Variants in PPL observed in about 807,000 individuals in gnomAD.
The protein encoded by PPL is periplakin.
A neutral mutation model predicts 194.4 loss-of-function variants in PPL; 198 were observed. That is an observed-to-expected ratio of 1.02 (90% confidence interval 0.91 to 1.15). The LOEUF (loss-of-function observed/expected upper bound fraction) is 1.15, where lower values mean the gene tolerates loss of function less well. Among genes scored for constraint, PPL ranks in the 50% most tolerant of loss-of-function variants. The pLI is 0.00. For missense variants in PPL, 2,885 were observed against 2,294.8 expected, an observed-to-expected ratio of 1.26 and a Z score of -5.25; for synonymous variants, 1,220 against 972.4, an observed-to-expected ratio of 1.25 and a Z score of -4.74.
chr16:4,901,217 A>G lies in PPL; in HGVS notation c.439-128T>C. The G allele has an allele frequency of 7.7e-6, 8 of 1,037,550 alleles. No homozygotes were observed. The South Asian group carries it at 8.2e-5, about 11-fold the overall frequency. The allele number at this position is 1,037,550 out of a possible 1,614,324, so 64.3% of individuals were successfully genotyped here. On this transcript the variant is annotated intron_variant, in intron 4 of 21. Coordinates refer to ENST00000345988, the MANE Select transcript of PPL (RefSeq NM_002705.5). ...TTTCACGGGGCCCTGCAGAGCCACA[A>G]GGAGATGCTGGCCACACCTTCAACC...
chr16:4,917,643 A>G (rs574094039), intron 1 of PPL, among the ~76,000 whole-genome samples: 71 of 152,034 alleles, frequency 4.7e-4, no homozygotes, highest in African/African-American at 1.7e-3. Flanking sequence ...GCTCGCACCT[A>G]TAATCCCAGC....
chr16:4,934,100 C>T (rs1056971012), intron 1 of PPL, among the ~76,000 whole-genome samples: 10 of 152,202 alleles, frequency 6.6e-5, no homozygotes, highest in Admixed American at 1.3e-4. Context: ...GGGTCTCCTC[C>T]AGGGCCTCTC....
intron 1 of PPL, among the ~76,000 whole-genome samples, chr16:4,931,304 C>T (rs2089222348): frequency 6.6e-6 from 1 of 152,168 alleles, no homozygotes; most frequent in South Asian, 2.1e-4. Flanking sequence ...TTCAAGGCTA[C>T]AGTGAGCTAT....
intron 1 of PPL, among the ~76,000 whole-genome samples, chr16:4,911,589 T>G (rs1332007649): frequency 6.6e-6 from 1 of 152,214 alleles, no homozygotes; most frequent in East Asian, 1.9e-4. Context: ...GGCTGGGGTG[T>G]AGCGGCACAG....
chr16:4,886,497 C>G (rs2088221822), intron 21 of PPL, among the ~76,000 whole-genome samples: 1 of 152,264 alleles, frequency 6.6e-6, no homozygotes, highest in African/African-American at 2.4e-5. Context: ...TTTCCGCTCT[C>G]TGGACAGACC....
At chr16:4,892,874 G>A (rs1015707321) in intron 14 of PPL, 2 of 227,070 alleles carry the variant, frequency 8.8e-6, no homozygotes, top group African/African-American at 4.6e-5. Flanking sequence ...AAGACACTGA[G>A]GCCTGGAGTT....
chr16:4,902,383 C>T lies in PPL; in HGVS notation c.438+23G>A, dbSNP rs1237420478. ...CCCTCCCCAGCTGAAACCCTGGAGC[C>T]AGCGGCCCCGTCCAGGCCATACCAG... On this transcript the variant is annotated intron_variant, in intron 4 of 21. Transcript: ENST00000345988. The surrounding 1 kb of genome is among the most constrained non-coding windows in gnomAD (Gnocchi z 4.0). 1.2e-6 allele frequency: 2 copies of T among 1,612,378 alleles called. No individual in the cohort carries two copies. The highest frequency in any genetic ancestry group is 8.5e-7 in the Non-Finnish European group (1 of 1,179,206).
chr16:4,884,641 C>A lies in PPL; in HGVS notation c.4014G>T (p.Arg1338=). Residue 1338 remains arginine, a synonymous_variant, in exon 22 of 22, where the codon CGG becomes CGT. Transcript: ENST00000345988. This position sits in a 1 kb window ranked among gnomAD's most constrained non-coding sequence, Gnocchi z 5.7. The part of the protein sequence containing the change: ...ERASQEEQIA[R]KEEELSRVKE... ...TCACCCGCGAGAGCTCCTCCTCTTT[C>A]CGGGCGATCTGCTCTTCCTGGGAAG... 3 of 1,614,188 alleles carry A rather than the reference C, an allele frequency of 1.9e-6. No individual in the cohort carries two copies. Among genetic ancestry groups the A allele is most frequent in the South Asian group, 1.1e-5 (1 of 91,084 alleles).
chr16:4,916,872 G>C (rs1195645454), intron 1 of PPL, among the ~76,000 whole-genome samples: 1 of 152,068 alleles, frequency 6.6e-6, no homozygotes, highest in Non-Finnish European at 1.5e-5. Context: ...ACTCACGCCT[G>C]CAATCCCAGC....
chr16:4,885,687 G>A lies in PPL; in HGVS notation c.2968C>T (p.Gln990Ter), dbSNP rs536356367. ...AGGACCTCCTTGACCACGTACTCCT[G>A]CCCCCCGTCTCTGGTCTCCTGCTCC... The part of the protein sequence containing the change: ...ALEQETRDGG[Q>*]EYVVKEVLRI... Residue 990 changes from glutamine to a stop codon, truncating the protein, a stop_gained, in exon 22 of 22, where the codon CAG becomes TAG. Coordinates refer to ENST00000345988, the MANE Select transcript of PPL (RefSeq NM_002705.5). LOFTEE classifies it high-confidence loss of function. This position sits in a 1 kb window ranked among gnomAD's most constrained non-coding sequence, Gnocchi z 6.3. 4.3e-5 allele frequency: 69 copies of A among 1,613,356 alleles called. No homozygotes were observed. In the South Asian group the frequency reaches 7.4e-4, roughly 17 times the overall value.
Position 4,888,223 on chromosome 16 carries a change from A to G in PPL, c.2398-5T>C, listed in dbSNP as rs767447198. 3.2e-6 allele frequency: 5 copies of G among 1,580,940 alleles called. No homozygotes were observed. The Admixed American group carries it at 6.7e-5, about 21-fold the overall frequency. On this transcript the variant is annotated splice_region_variant and splice_polypyrimidine_tract_variant and intron_variant, in intron 19 of 21. Transcript: ENST00000345988. The stretch of plus-strand genomic sequence containing the variant: ...TTCTGCTTCTAACTCATAGTCCTGC[A>G]TGAGGGAGAGACATGGCAGAGGGGA...
At chr16:4,934,113 C>G (rs1157831808) in intron 1 of PPL, among the ~76,000 whole-genome samples, 1 of 152,214 alleles carries the variant, frequency 6.6e-6, no homozygotes, top group Non-Finnish European at 1.5e-5. Flanking sequence ...GGCCTCTCTA[C>G]TAGGCTGGAG....
In PPL at chr16:4,885,724, C is replaced by T; in HGVS notation, c.2931G>A (p.Gln977=). The change falls in exon 22 of 22, where the codon CAG becomes CAA. Residue 977 remains glutamine, a synonymous_variant. Coordinates refer to ENST00000345988, the MANE Select transcript of PPL (RefSeq NM_002705.5). This position sits in a 1 kb window ranked among gnomAD's most constrained non-coding sequence, Gnocchi z 6.3. The part of the protein sequence containing the change: ...LQEELEALQL[Q]LRALEQETRD... ...TGGTCTCCTGCTCCAGGGCACGCAG[C>T]TGCAGCTGCAGTGCCTCCAGCTCCT... The T allele has an allele frequency of 1.2e-6, 2 of 1,613,366 alleles. No homozygotes were observed. Among genetic ancestry groups the T allele is most frequent in the Non-Finnish European group, 1.7e-6 (2 of 1,179,986 alleles).
intron 1 of PPL, among the ~76,000 whole-genome samples, chr16:4,912,043 T>C (rs1283992026): frequency 2.0e-5 from 3 of 152,186 alleles, no homozygotes; most frequent in African/African-American, 7.2e-5. Context: ...CGCACCATAT[T>C]TGAAAAATTG....
rs757892837 is a variant in PPL, at chr16:4,884,149, G to A, written c.4506C>T (p.Ser1502=). Residue 1502 remains serine (S), a synonymous_variant, in exon 22 of 22, where the codon TCC becomes TCT. Transcript: ENST00000345988. This position sits in a 1 kb window ranked among gnomAD's most constrained non-coding sequence, Gnocchi z 5.7. The stretch of plus-strand genomic sequence containing the variant: ...CGCCCTTCTCCACCTGGACACTCTC[G>A]GAGAGCACCACCTTCTCCTTGACCT... ...KAEVKEKVVL[S]ESVQVEKGDT... The A allele has an allele frequency of 1.1e-5, 18 of 1,613,520 alleles. No individual in the cohort carries two copies. Among genetic ancestry groups the A allele is most frequent in the East Asian group, 1.1e-4 (5 of 44,880 alleles).
intron 3 of PPL, among the ~76,000 whole-genome samples, chr16:4,903,525 G>C (rs1009739121): frequency 6.6e-6 from 1 of 152,118 alleles, no homozygotes; most frequent in Non-Finnish European, 1.5e-5. Flanking sequence ...TTTGAGACCA[G>C]CCTGGCCAAC....
At chr16:4,920,722 A>C (rs1205473457) in intron 1 of PPL, among the ~76,000 whole-genome samples, 1 of 152,074 alleles carries the variant, frequency 6.6e-6, no homozygotes, top group Non-Finnish European at 1.5e-5. Context: ...CGGCCTCCCA[A>C]AGTGCTGGAA....
chr16:4,904,663 T>C (rs934506709), intron 2 of PPL, among the ~76,000 whole-genome samples: 1 of 151,596 alleles, frequency 6.6e-6, no homozygotes, highest in Non-Finnish European at 1.5e-5. Context: ...TCTCTGTGGA[T>C]AGGGAGGAAA....
Position 4,883,950 on chromosome 16 carries a change from G to C in PPL, c.4705C>G (p.Gln1569Glu). ...DFLREENHKL[Q>E]LERQNLQLET... ...AGCTGCAGGTTTTGCCTCTCCAGCT[G>C]TAATTTGTGGTTCTCTTCCCTCAGA... is the stretch of plus-strand genomic sequence containing the variant. The change falls in exon 22 of 22, where the codon CAG becomes GAG. Residue 1569 changes from glutamine (Q) to glutamate (E), a missense_variant. By Grantham distance (29) the Gln-to-Glu change is conservative (BLOSUM62 2). Coordinates refer to ENST00000345988, the MANE Select transcript of PPL (RefSeq NM_002705.5). The surrounding 1 kb of genome is among the most constrained non-coding windows in gnomAD (Gnocchi z 4.8). 1 of 1,614,086 alleles carries C rather than the reference G, an allele frequency of 6.2e-7. No homozygotes were observed. The highest frequency in any genetic ancestry group is 8.5e-7 in the Non-Finnish European group (1 of 1,180,020).
Sources: gnomAD v4.1 joint callset for allele counts (sites outside exome capture counted in the v4.1 genomes callset) on GRCh38, gnomAD v4.1.1 for gene constraint, Gnocchi (gnomAD v3.1) non-coding constraint, MANE v1.5 for transcripts, NCBI Gene and HGNC (gene_info 2026-07-23, HGNC 2026-07-21) for gene names.